Variants in EHD4 observed in about 807,000 individuals in gnomAD.
The protein encoded by EHD4 is EH domain containing 4.
A neutral mutation model predicts 51.0 loss-of-function variants in EHD4; 37 were observed. That is an observed-to-expected ratio of 0.73 (90% CI 0.56 to 0.95). The LOEUF is 0.95. Ranked by LOEUF, EHD4 falls within the 40% of genes least tolerant of loss-of-function variation. The pLI is 0.00. For missense variants in EHD4, 632 were observed against 733.1 expected, an observed-to-expected ratio of 0.86 and a Z score of 1.59; for synonymous variants, 297 against 317.3, an observed-to-expected ratio of 0.94 and a Z score of 0.68.
intron 4 of EHD4, among the ~76,000 whole-genome samples, chr15:41,916,507 T>C (rs1258616321): frequency 1.3e-5 from 2 of 152,038 alleles, no homozygotes; most frequent in Admixed American, 1.3e-4. Flanking sequence ...TTTGGAACAG[T>C]TGGTGTGAAA....
intron 3 of EHD4, among the ~76,000 whole-genome samples, chr15:41,937,936 T>G (rs1392967235): frequency 6.6e-6 from 1 of 152,234 alleles, no homozygotes; most frequent in African/African-American, 2.4e-5. Context: ...TTGGGGAATA[T>G]CTGCACATAC....
At chr15:41,952,228 T>G (rs541567338) in intron 2 of EHD4, among the ~76,000 whole-genome samples, 8 of 152,202 alleles carry the variant, frequency 5.3e-5, no homozygotes, top group African/African-American at 1.9e-4. Flanking sequence ...GCTTCGGCCT[T>G]TGGGAGGACA....
intron 1 of EHD4, among the ~76,000 whole-genome samples, chr15:41,965,686 G>A (rs1566828518): frequency 2.0e-5 from 3 of 152,206 alleles, no homozygotes; most frequent in Non-Finnish European, 4.4e-5. Context: ...GCACAGCCAC[G>A]TGCAGAAGGA....
chr15:41,965,898 G>A (rs2067958607), intron 1 of EHD4, among the ~76,000 whole-genome samples: 2 of 151,742 alleles, frequency 1.3e-5, no homozygotes, highest in South Asian at 2.1e-4. Flanking sequence ...TTCCCTGCTC[G>A]GACTGCAGCT....
rs756909109 is a variant in EHD4 at position 41,900,624 on chromosome 15, C to G, written c.*21G>C. ...TGAGGCCCAGGTCCCCCAGTTCCCACCCCGTTCTGCAGCCCACCCCTCAGT... is the reference window on the plus strand; with the variant it reads ...TGAGGCCCAGGTCCCCCAGTTCCCAGCCCGTTCTGCAGCCCACCCCTCAGT... On this transcript the variant is annotated 3_prime_UTR_variant, in exon 6 of 6. Transcript: ENST00000220325. The surrounding 1 kb of genome is among the most constrained non-coding windows in gnomAD (Gnocchi z 4.8). The G allele has an allele frequency of 2.6e-6, 4 of 1,555,662 alleles. No individual in the cohort carries two copies. The highest frequency in any genetic ancestry group is 3.5e-6 in the Non-Finnish European group (4 of 1,155,050).
intron 4 of EHD4, among the ~76,000 whole-genome samples, chr15:41,916,681 T>A (rs930477481): frequency 3.9e-5 from 6 of 152,204 alleles, no homozygotes; most frequent in African/African-American, 1.4e-4. Flanking sequence ...GTCAATGTCA[T>A]GAGTTAGTGG....
intron 3 of EHD4, among the ~76,000 whole-genome samples, chr15:41,932,825 G>T (rs1386427510): frequency 2.0e-5 from 3 of 152,110 alleles, no homozygotes; most frequent in Non-Finnish European, 4.4e-5. Flanking sequence ...GAAGAGCAAG[G>T]CCCTTGTCTG....
chr15:41,954,491 T>G (rs1004715222), intron 1 of EHD4, among the ~76,000 whole-genome samples: 3 of 152,256 alleles, frequency 2.0e-5, no homozygotes, highest in Non-Finnish European at 4.4e-5. Flanking sequence ...GATTCTAATG[T>G]AAGCCCACAA....
intron 5 of EHD4, among the ~76,000 whole-genome samples, chr15:41,908,050 G>A (rs979574757): frequency 6.6e-6 from 1 of 151,856 alleles, no homozygotes; most frequent in Non-Finnish European, 1.5e-5. Flanking sequence ...ATTTTTAGTA[G>A]AGACAGGGTT....
intron 5 of EHD4, among the ~76,000 whole-genome samples, chr15:41,905,648 T>C (rs1388220093): frequency 1.3e-5 from 2 of 152,210 alleles, no homozygotes; most frequent in Non-Finnish European, 1.5e-5. Context: ...GTGGGGTTGC[T>C]GTCAATTATT....
Position 41,909,714 on chromosome 15 carries a change from C to A in EHD4, c.1074G>T (p.Glu358Asp), listed in dbSNP as rs754484073. 6.2e-7 allele frequency: 1 copy of A among 1,614,188 alleles called. No individual in the cohort carries two copies. The highest frequency in any genetic ancestry group is 8.5e-7 in the Non-Finnish European group (1 of 1,180,038). Residue 358 changes from glutamate to aspartate, a missense_variant, in exon 5 of 6, where the codon GAG (glutamate) becomes GAT (aspartate). Glu to Asp is a conservative substitution (Grantham distance 45). Transcript: ENST00000220325. ...CTCCCAGTACCTGCATAGCCTTGAC[C>A]TCAGGGAAGTCCCCTGCAGAAATCT... The part of the protein sequence containing the change: ...EYQISAGDFP[E>D]VKAMQEQLEN...
At chr15:41,956,022 G>T (rs575828481) in intron 1 of EHD4, among the ~76,000 whole-genome samples, 1 of 152,290 alleles carries the variant, frequency 6.6e-6, no homozygotes, top group South Asian at 2.1e-4. Flanking sequence ...GAGGGGCTTG[G>T]GAGAACAGCA....
intron 3 of EHD4, among the ~76,000 whole-genome samples, chr15:41,938,849 A>G (rs958230183): frequency 6.6e-6 from 1 of 152,216 alleles, no homozygotes; most frequent in Non-Finnish European, 1.5e-5. Flanking sequence ...CTACATTATA[A>G]TTTTTCAAAG....
chr15:41,947,157 G>A (rs577519128), intron 2 of EHD4, among the ~76,000 whole-genome samples: 1 of 152,272 alleles, frequency 6.6e-6, no homozygotes, highest in African/African-American at 2.4e-5. Context: ...TTCACTCCTG[G>A]GCTACTATCA....
At chr15:41,954,270 A>G (rs2067872185) in intron 1 of EHD4, among the ~76,000 whole-genome samples, 1 of 152,150 alleles carries the variant, frequency 6.6e-6, no homozygotes, top group Non-Finnish European at 1.5e-5. Context: ...CAGCATGTGT[A>G]CTACAATTAC....
At chr15:41,956,000 C>G (rs1364757245) in intron 1 of EHD4, among the ~76,000 whole-genome samples, 2 of 152,184 alleles carry the variant, frequency 1.3e-5, no homozygotes, top group Admixed American at 1.3e-4. Context: ...GGAGGAGAGA[C>G]TGCTGGGGAG....
intron 1 of EHD4, among the ~76,000 whole-genome samples, chr15:41,955,274 G>C (rs60772450): frequency 0.1 from 14,634 of 143,808 alleles, 860 homozygotes; most frequent in South Asian, 0.27. Flanking sequence ...TGGGGCATCA[G>C]AGAGGCCAAG....
Position 41,972,523 on chromosome 15 carries a change from C to T in EHD4, c.-29G>A, listed in dbSNP as rs2141013106. 1 of 1,466,980 alleles carries T rather than the reference C, an allele frequency of 6.8e-7. No individual in the cohort carries two copies. Among genetic ancestry groups the T allele is most frequent in the South Asian group, 1.4e-5 (1 of 72,692 alleles). 90.9% of individuals were successfully genotyped at this position (1,466,980 alleles called of 1,614,324 possible). On this transcript the variant is annotated 5_prime_UTR_variant, in exon 1 of 6. Transcript: ENST00000220325. ...GCCGCCAGTCCACGCTCGGATGGGA[C>T]CCTGCTCCGGGTTCGACTCTCCCCG...
At chr15:41,902,007 A>G (rs1380092139) in intron 5 of EHD4, among the ~76,000 whole-genome samples, 1 of 152,198 alleles carries the variant, frequency 6.6e-6, no homozygotes, top group Non-Finnish European at 1.5e-5. Flanking sequence ...AGCACGAGGG[A>G]ATAAACGTAG....
Sources: gnomAD v4.1 joint callset for allele counts (sites outside exome capture counted in the v4.1 genomes callset) on GRCh38, gnomAD v4.1.1 for gene constraint, Gnocchi (gnomAD v3.1) non-coding constraint, MANE v1.5 for transcripts, NCBI Gene and HGNC (gene_info 2026-07-23, HGNC 2026-07-21) for gene names.